The following MYLIP variants were observed in gnomAD, a reference collection of about 807,000 sequenced individuals.
MYLIP encodes E3 ubiquitin-protein ligase MYLIP.
Under a neutral mutation model 45.8 loss-of-function variants are expected in MYLIP, and 26 were observed. The ratio of observed to expected loss-of-function variants is 0.57; its 90% CI spans 0.42 to 0.79. MYLIP has a LOEUF of 0.79. MYLIP is among the 30% of genes least tolerant of loss of function. MYLIP has a pLI of 0.00. For synonymous variants in MYLIP, 213 were observed against 218.1 expected, an observed-to-expected ratio of 0.98 and a Z score of 0.21; for missense variants, 494 against 555.6, an observed-to-expected ratio of 0.89 and a Z score of 1.11.
the MYLIP span, among the ~76,000 whole-genome samples, chr6:16,153,573 C>T: frequency 6.6e-6 from 1 of 152,178 alleles, no homozygotes. Flanking sequence ...TCTCCTTCAT[C>T]CCCACTATCA....
the MYLIP span, among the ~76,000 whole-genome samples, chr6:16,158,330 C>T: frequency 1.3e-5 from 2 of 152,182 alleles, no homozygotes; most frequent in Admixed American, 6.5e-5. Flanking sequence ...TCAGTATTTG[C>T]GACTTTAATG....
chr6:16,131,426 G>A (rs962185022), intron 2 of MYLIP, among the ~76,000 whole-genome samples: 4 of 152,222 alleles, frequency 2.6e-5, no homozygotes, highest in Non-Finnish European at 5.9e-5. Context: ...GACAACTGAA[G>A]CATGTGGTCT....
At chr6:16,148,848 A>G (rs1271802550), downstream of MYLIP, among the ~76,000 whole-genome samples, 1 of 152,236 alleles carries the variant, frequency 6.6e-6, no homozygotes, top group Non-Finnish European at 1.5e-5. Context: ...TTCTCCAGAA[A>G]TACATTTTGG....
chr6:16,162,425 T>A, the MYLIP span, among the ~76,000 whole-genome samples: 1 of 152,188 alleles, frequency 6.6e-6, no homozygotes, highest in Non-Finnish European at 1.5e-5. Context: ...GCTTGACTTT[T>A]GTTTTCATCT....
chr6:16,141,194 G>C (rs1197931404), intron 2 of MYLIP, among the ~76,000 whole-genome samples: 1 of 152,180 alleles, frequency 6.6e-6, no homozygotes, highest in Admixed American at 6.5e-5. Flanking sequence ...ACAGAAGCTG[G>C]CACTGAGACT....
the MYLIP span, among the ~76,000 whole-genome samples, chr6:16,162,785 T>TAAAAAAAAAAAAAGAAAAAAAAAAAA: frequency 1.4e-5 from 1 of 69,618 alleles, no homozygotes; most frequent in African/African-American, 9.7e-5. Context: ...ACCTCAACTC[T>TAAAAAAAAAAAAAGAAAAAAAAAAAA]AAAAAAAAAA....
intron 2 of MYLIP, among the ~76,000 whole-genome samples, chr6:16,133,350 C>G (rs1177447202): frequency 6.6e-6 from 1 of 152,206 alleles, no homozygotes; most frequent in East Asian, 1.9e-4. Flanking sequence ...AGAAAAAGCA[C>G]ATCAAGTGTT....
chr6:16,146,022 A>G lies in MYLIP; in HGVS notation c.1249-640A>G, dbSNP rs373541110. Among the ~76,000 whole-genome samples the G allele has an allele frequency of 1.2e-4, 18 of 152,344 alleles. No individual in the cohort carries two copies. The East Asian group carries it at 3.1e-3, about 26-fold the overall frequency. On this transcript the variant is annotated intron_variant, in intron 6 of 6. Coordinates refer to ENST00000356840, the MANE Select transcript of MYLIP (RefSeq NM_013262.4). Reference sequence around the variant, plus strand: ...GGTTCTAGATAATACTTAGTCCTTCAGAAGCTGCTAATTTCAGAGCTAATA... The same window carrying G: ...GGTTCTAGATAATACTTAGTCCTTCGGAAGCTGCTAATTTCAGAGCTAATA...
intron 2 of MYLIP, among the ~76,000 whole-genome samples, chr6:16,138,849 A>G (rs907735245): frequency 6.6e-6 from 1 of 152,212 alleles, no homozygotes; most frequent in Non-Finnish European, 1.5e-5. Flanking sequence ...TCTGCACTCC[A>G]GGCTAGAATG....
At chr6:16,142,144 A>C (rs537194234) in intron 3 of MYLIP, among the ~76,000 whole-genome samples, 1 of 152,382 alleles carries the variant, frequency 6.6e-6, no homozygotes, top group East Asian at 1.9e-4. Flanking sequence ...TCATAGAGCT[A>C]TCAAATGTAT....
chr6:16,138,555 C>T (rs1759602795), intron 2 of MYLIP, among the ~76,000 whole-genome samples: 1 of 152,122 alleles, frequency 6.6e-6, no homozygotes, highest in Non-Finnish European at 1.5e-5. Flanking sequence ...TCCTGGAGAG[C>T]ATAAACTTGT....
downstream of MYLIP, among the ~76,000 whole-genome samples, chr6:16,149,183 C>T (rs1223133816): frequency 1.3e-5 from 2 of 152,180 alleles, no homozygotes; most frequent in Admixed American, 6.5e-5. Context: ...CGAATACTAG[C>T]ATCAGAGGGA....
chr6:16,152,510 A>G (rs1759890437), downstream of MYLIP, among the ~76,000 whole-genome samples: 4 of 152,292 alleles, frequency 2.6e-5, no homozygotes, highest in South Asian at 8.3e-4. Context: ...CCTAAAATGT[A>G]CAGTATAACA....
At chr6:16,144,599 T>A (rs1759744805) in intron 5 of MYLIP, among the ~76,000 whole-genome samples, 1 of 152,236 alleles carries the variant, frequency 6.6e-6, no homozygotes, top group Non-Finnish European at 1.5e-5. Flanking sequence ...TTCAGGCAGA[T>A]GCCCTTTTTC....
intron 2 of MYLIP, among the ~76,000 whole-genome samples, chr6:16,140,545 G>C (rs1759647245): frequency 6.6e-6 from 1 of 152,158 alleles, no homozygotes; most frequent in Non-Finnish European, 1.5e-5. Flanking sequence ...TACTGTACCA[G>C]AGGAATAGAG....
chr6:16,151,730 A>G (rs1459595966), downstream of MYLIP, among the ~76,000 whole-genome samples: 1 of 152,248 alleles, frequency 6.6e-6, no homozygotes, highest in Non-Finnish European at 1.5e-5. Flanking sequence ...TCTTAAAAAC[A>G]AAACTATGTC....
intron 2 of MYLIP, among the ~76,000 whole-genome samples, chr6:16,136,733 C>A (rs1035499701): frequency 1.3e-5 from 2 of 152,210 alleles, no homozygotes; most frequent in Admixed American, 1.3e-4. Context: ...CCTCCACATC[C>A]CTGCCAGCTT....
intron 4 of MYLIP, 76 bp downstream of exon 4, chr6:16,143,293 A>C: frequency 7.0e-7 from 1 of 1,422,740 alleles, no homozygotes; most frequent in South Asian, 1.2e-5. Context: ...GAAAATAGGA[A>C]GGGATTTACT....
chr6:16,141,239 TTTTGTC>T (rs1369499996), intron 2 of MYLIP, among the ~76,000 whole-genome samples: 1 of 152,174 alleles, frequency 6.6e-6, no homozygotes, highest in Non-Finnish European at 1.5e-5. Context: ...AAGGTGAGAA[TTTTGTC>T]TTTATGTATA....
Sources: allele counts gnomAD v4.1 joint callset (sites outside exome capture counted in the v4.1 genomes callset), GRCh38; gene constraint gnomAD v4.1.1; transcripts MANE v1.5; gene names NCBI Gene and HGNC (gene_info 2026-07-23, HGNC 2026-07-21).